The following PFDN1 variants were observed in gnomAD, a reference collection of about 807,000 sequenced individuals.
PFDN1 encodes the protein prefoldin subunit 1.
Under a neutral mutation model 17.3 loss-of-function variants are expected in PFDN1, and 6 were observed. That is an observed-to-expected ratio of 0.35 (90% CI 0.19 to 0.69). The LOEUF (loss-of-function observed/expected upper bound fraction) is 0.69, where lower values mean the gene tolerates loss of function less well. Among genes scored for constraint, PFDN1 ranks in the 30% least tolerant of loss-of-function variants. PFDN1 has a pLI of 0.65. For synonymous variants in PFDN1, 58 were observed against 50.1 expected (o/e 1.16, Z -0.67); for missense variants, 113 against 146.2 (o/e 0.77, Z 1.17).
At chr5:140,289,538 G>A (rs1157215792) in intron 2 of PFDN1, among the ~76,000 whole-genome samples, 1 of 151,970 alleles carries the variant, frequency 6.6e-6, no homozygotes, top group Admixed American at 6.6e-5. Context: ...CTTCTCCAGT[G>A]CCCATACTAC....
intron 3 of PFDN1, among the ~76,000 whole-genome samples, chr5:140,270,154 C>A (rs1765185276): frequency 6.6e-6 from 1 of 151,920 alleles, no homozygotes; most frequent in Non-Finnish European, 1.5e-5. Context: ...GGATTCTTGG[C>A]AAGGAAGTAT....
chr5:140,262,417 A>C (rs1765077877), intron 3 of PFDN1: 1 of 418,800 alleles, frequency 2.4e-6, no homozygotes, highest in Admixed American at 2.5e-5. Context: ...TGGCTCCATG[A>C]AGAACACGTG....
intron 2 of PFDN1, among the ~76,000 whole-genome samples, chr5:140,298,167 T>C (rs1481977676): frequency 6.6e-6 from 1 of 152,166 alleles, no homozygotes; most frequent in Non-Finnish European, 1.5e-5. Context: ...AATTTACTTG[T>C]GCTACATTAT....
At position 140,254,785 on chromosome 5, in the gene PFDN1, G is replaced by A. The variant is rs767269973; in HGVS notation, c.286-8728C>T. On this transcript the variant is annotated intron_variant, in intron 3 of 3. Transcript: ENST00000261813. The surrounding 1 kb of genome is among the most constrained non-coding windows in gnomAD (Gnocchi z 4.4). ...TCCAGCATTTCTTCAACCTCGTCAC[G>A]CAACAACTTGTTCATTTTCCATTAT... Among the ~76,000 whole-genome samples, 9 of 152,096 alleles carry A rather than the reference G, an allele frequency of 5.9e-5. No individual in the cohort carries two copies. The highest frequency in any genetic ancestry group is 1.9e-4 in the African/African-American group (8 of 41,408).
rs188234839 is a variant in PFDN1 at position 140,259,934 on chromosome 5, A to C, written c.286-13877T>G. On this transcript the variant is annotated intron_variant, in intron 3 of 3. Transcript: ENST00000261813. ...ATTTGTACAGGTGTTTCTTCAAAGA[A>C]GACGTATTATTGGCCAAAAAGCACA... 3.1e-3 allele frequency among the ~76,000 whole-genome samples: 476 copies of C among 152,380 alleles called. 2 individuals are homozygous for C. Among genetic ancestry groups the C allele is most frequent in the Non-Finnish European group, 5.6e-3 (379 of 68,036 alleles).
chr5:140,246,568 G>T (rs983314548), intron 3 of PFDN1, among the ~76,000 whole-genome samples: 12 of 152,250 alleles, frequency 7.9e-5, no homozygotes, highest in Non-Finnish European at 1.6e-4. Context: ...CACTGAGTGG[G>T]TGAGTCAGAA....
intron 2 of PFDN1, among the ~76,000 whole-genome samples, chr5:140,282,724 G>T (rs1055969099): frequency 6.6e-6 from 1 of 152,108 alleles, no homozygotes; most frequent in Non-Finnish European, 1.5e-5. Context: ...TCTTGCTTCA[G>T]GGAAAGGAAG....
At chr5:140,278,588 CAA>C (rs1378588628) in intron 3 of PFDN1, among the ~76,000 whole-genome samples, 2 of 90,936 alleles carry the variant, frequency 2.2e-5, no homozygotes, top group Non-Finnish European at 4.7e-5. Context: ...AAAAAAAAAA[CAA>C]AAAACAAAAC....
intron 3 of PFDN1, among the ~76,000 whole-genome samples, chr5:140,253,970 G>A (rs1288111619): frequency 2.0e-5 from 3 of 152,154 alleles, no homozygotes; most frequent in Non-Finnish European, 2.9e-5. Context: ...AATCCCTCCC[G>A]GGTGGCTGTG....
Position 140,245,632 on chromosome 5 carries a change from CA to C in PFDN1, c.*341del. ...CTCTGCTCAAGAAAACCAGGCTTAGCAGAGTGGGACAGACGCTTTTTATTGG... is the reference window on the plus strand; with the variant it reads ...CTCTGCTCAAGAAAACCAGGCTTAGCGAGTGGGACAGACGCTTTTTATTGG... On this transcript the variant is annotated 3_prime_UTR_variant, in exon 4 of 4. Transcript: ENST00000261813. The C allele has an allele frequency of 1.4e-6, 1 of 693,998 alleles. No individual in the cohort carries two copies. 43.0% of individuals were successfully genotyped at this position (693,998 alleles called of 1,614,324 possible). A position where few individuals can be genotyped will look rare whatever the true frequency, so the allele number is the denominator to read the frequency against.
chr5:140,297,231 G>C (rs1329803358), intron 2 of PFDN1, among the ~76,000 whole-genome samples: 2 of 152,056 alleles, frequency 1.3e-5, no homozygotes, highest in Non-Finnish European at 2.9e-5. Flanking sequence ...TTGGGAAAAA[G>C]TAATATTCTA....
rs529312487 is a variant in PFDN1, at chr5:140,298,008, T to C, written c.200+2408A>G. Among the ~76,000 whole-genome samples the C allele has an allele frequency of 2.6e-5, 4 of 152,322 alleles. No individual in the cohort carries two copies. In the South Asian group the frequency reaches 6.2e-4, roughly 24 times the overall value. ...TCACATTAAGGATAAAATTATCCTG[T>C]AGTGAATGCCAACAATGCATTTCAT... On this transcript the variant is annotated intron_variant, in intron 2 of 3. Transcript: ENST00000261813.
At position 140,246,075 on chromosome 5, in the gene PFDN1, G is replaced by C. The variant is rs1399681274; in HGVS notation, c.286-18C>G. 1.3e-6 allele frequency: 2 copies of C among 1,486,982 alleles called. No homozygotes were observed. Among genetic ancestry groups the C allele is most frequent in the African/African-American group, 2.8e-5 (2 of 71,782 alleles). 92.1% of individuals were successfully genotyped at this position (1,486,982 alleles called of 1,614,324 possible). A position where few individuals can be genotyped will look rare whatever the true frequency, so the allele number is the denominator to read the frequency against. On this transcript the variant is annotated intron_variant, in intron 3 of 3. Coordinates refer to ENST00000261813, the MANE Select transcript of PFDN1 (RefSeq NM_002622.5). Reference sequence around the variant, plus strand: ...TTTTTCTGCTGCAATATGAGAGACAGACAAAGGTTAGGACCAGAGTGAATG... The same window carrying C: ...TTTTTCTGCTGCAATATGAGAGACACACAAAGGTTAGGACCAGAGTGAATG...
chr5:140,281,929 T>A (rs1765408642), intron 2 of PFDN1: 1 of 160,500 alleles, frequency 6.2e-6, no homozygotes, highest in South Asian at 1.7e-4. Context: ...ACACCTGTAA[T>A]CCCAGCACTC....
intron 3 of PFDN1, among the ~76,000 whole-genome samples, chr5:140,259,703 T>C (rs1310293950): frequency 6.6e-6 from 1 of 152,116 alleles, no homozygotes; most frequent in Non-Finnish European, 1.5e-5. Context: ...GAAGTAAGGG[T>C]GACACCTTGC....
At chr5:140,290,694 G>A (rs1161644275) in intron 2 of PFDN1, among the ~76,000 whole-genome samples, 1 of 152,196 alleles carries the variant, frequency 6.6e-6, no homozygotes, top group Non-Finnish European at 1.5e-5. Flanking sequence ...AAGCAAGAAA[G>A]AAATTATTTT....
chr5:140,278,499 G>A (rs1258222946), intron 3 of PFDN1, among the ~76,000 whole-genome samples: 1 of 147,870 alleles, frequency 6.8e-6, no homozygotes, highest in Non-Finnish European at 1.5e-5. Context: ...GGGCAGAGGT[G>A]GCAGTGAGCC....
At chr5:140,300,721 T>C (rs1013697296) in intron 1 of PFDN1, 139 bp from the exon 2 acceptor site, 9 of 596,684 alleles carry the variant, frequency 1.5e-5, no homozygotes, top group South Asian at 6.8e-5. Context: ...AAAGTCAACA[T>C]AACTGTAAAC....
intron 2 of PFDN1, among the ~76,000 whole-genome samples, chr5:140,285,273 G>A (rs1035950031): frequency 3.3e-5 from 5 of 151,534 alleles, no homozygotes; most frequent in East Asian, 1.9e-4. Context: ...GCGTGAACCC[G>A]GGAGGTGGAG....
Sources: gnomAD v4.1 joint callset for allele counts (sites outside exome capture counted in the v4.1 genomes callset) on GRCh38, gnomAD v4.1.1 for gene constraint, Gnocchi (gnomAD v3.1) non-coding constraint, MANE v1.5 for transcripts, NCBI Gene and HGNC (gene_info 2026-07-23, HGNC 2026-07-21) for gene names.